The following RXFP2 variants were observed in gnomAD, a reference collection of about 807,000 sequenced individuals.
RXFP2 encodes relaxin receptor 2.
Under a neutral mutation model 88.6 loss-of-function variants are expected in RXFP2, and 68 were observed. The ratio of observed to expected loss-of-function variants is 0.77; its 90% CI spans 0.63 to 0.94. The LOEUF is 0.94. Ranked by LOEUF, RXFP2 falls within the 40% of genes least tolerant of loss-of-function variation. RXFP2 has a pLI of 0.00. For synonymous variants in RXFP2, 329 were observed against 306.8 expected, an observed-to-expected ratio of 1.07 and a Z score of -0.76; for missense variants, 791 against 893.9, an observed-to-expected ratio of 0.88 and a Z score of 1.47.
At chr13:31,755,251 A>C (rs189668230) in intron 1 of RXFP2, among the ~76,000 whole-genome samples, 94 of 152,308 alleles carry the variant, frequency 6.2e-4, no homozygotes, top group African/African-American at 2.1e-3. Context: ...CCATTAGGGG[A>C]TCATGAAATC....
intron 5 of RXFP2, among the ~76,000 whole-genome samples, chr13:31,772,000 A>G (rs1872752522): frequency 2.2e-5 from 2 of 92,840 alleles, no homozygotes; most frequent in Admixed American, 1.9e-4. Context: ...CTTAATTGCC[A>G]GATGAATGTG....
intron 2 of RXFP2, among the ~76,000 whole-genome samples, chr13:31,758,922 C>A (rs1474202891): frequency 6.6e-6 from 1 of 152,058 alleles, no homozygotes; most frequent in Non-Finnish European, 1.5e-5. Context: ...GTGACAGGTG[C>A]CTGTAATCCC....
At chr13:31,750,078 C>G (rs899844439) in intron 1 of RXFP2, among the ~76,000 whole-genome samples, 2 of 152,120 alleles carry the variant, frequency 1.3e-5, no homozygotes, top group South Asian at 2.1e-4. Context: ...ATCTCTGGAG[C>G]CTCTCATAAA....
intron 3 of RXFP2, 120 bp from the exon 4 acceptor site, chr13:31,764,917 C>T: frequency 3.0e-6 from 2 of 669,502 alleles, no homozygotes; most frequent in East Asian, 2.8e-5. Context: ...TGAATGAGTT[C>T]ATTTAACAGA....
In RXFP2 at chr13:31,789,158, A is replaced by C. The variant is rs1873684155; in HGVS notation, c.1110A>C (p.Thr370=). The part of the protein sequence containing the change: ...LERIEIPNIN[T]RMFQPMKNLS... ...GGATAGAGATTCCAAATATAAACAC[A>C]CGAATGTTTCAACCCATGAAGAATC... The change falls in exon 14 of 18, where the codon ACA becomes ACC. Residue 370 remains threonine (T), a synonymous_variant. Transcript: ENST00000298386. 6.2e-7 allele frequency: 1 copy of C among 1,609,044 alleles called. No individual in the cohort carries two copies. Among genetic ancestry groups the C allele is most frequent in the East Asian group, 2.2e-5 (1 of 44,818 alleles).
At chr13:31,775,038 A>G (rs777890492) in intron 6 of RXFP2, among the ~76,000 whole-genome samples, 3 of 152,204 alleles carry the variant, frequency 2.0e-5, no homozygotes, top group East Asian at 1.9e-4. Flanking sequence ...ATTGCCCCAC[A>G]TACTTAGTTA....
intron 13 of RXFP2, among the ~76,000 whole-genome samples, chr13:31,788,729 C>CA (rs890782236): frequency 6.6e-6 from 1 of 152,154 alleles, no homozygotes; most frequent in African/African-American, 2.4e-5. Context: ...TCCAGATTCT[C>CA]ACAAAACTCA....
intron 12 of RXFP2, 40 bp downstream of exon 12, chr13:31,786,494 A>T (rs1873548803): frequency 1.3e-6 from 2 of 1,545,700 alleles, no homozygotes; most frequent in East Asian, 4.5e-5. Flanking sequence ...TTAAAGGGCA[A>T]TATTTTGAGC....
Position 31,739,698 on chromosome 13 carries a change from A to G in RXFP2, c.86A>G (p.Asn29Ser). The change falls in exon 1 of 18, where the codon AAT becomes AGT. Residue 29 changes from asparagine (N) to serine (S), a missense_variant. Transcript: ENST00000298386. ...CTACTTCATTTCATCGTTCTGATCA[A>G]TGTCAAAGGTAAGGTTGCTACTTTC... ...FFLLHFIVLINVKDFALTQGS... is the reference protein window; with the variant it reads ...FFLLHFIVLISVKDFALTQGS... The G allele has an allele frequency of 6.3e-7, 1 of 1,596,094 alleles. No homozygotes were observed.
intron 16 of RXFP2, among the ~76,000 whole-genome samples, chr13:31,793,474 T>C (rs978438235): frequency 2.0e-5 from 3 of 151,164 alleles, no homozygotes; most frequent in African/African-American, 7.3e-5. Context: ...AAGTAAATAA[T>C]AATAAAACTC....
intron 5 of RXFP2, among the ~76,000 whole-genome samples, chr13:31,767,383 T>C (rs748998514): frequency 2.0e-5 from 3 of 152,208 alleles, no homozygotes; most frequent in Non-Finnish European, 4.4e-5. Flanking sequence ...TGGCTCTGCA[T>C]GTCCAGATTC....
intron 11 of RXFP2, among the ~76,000 whole-genome samples, chr13:31,786,180 C>G (rs963471329): frequency 6.6e-6 from 1 of 152,116 alleles, no homozygotes; most frequent in Non-Finnish European, 1.5e-5. Flanking sequence ...AGGAACTGGA[C>G]GAGCAAAGTG....
chr13:31,782,607 C>A, intron 10 of RXFP2, 69 bp from the exon 11 acceptor site: 5 of 1,135,956 alleles, frequency 4.4e-6, no homozygotes, highest in Non-Finnish European at 6.7e-6. Flanking sequence ...GATCAGTGGC[C>A]TCTCCCAATG....
chr13:31,787,791 C>T (rs889616884), intron 13 of RXFP2, among the ~76,000 whole-genome samples: 5 of 152,304 alleles, frequency 3.3e-5, no homozygotes, highest in African/African-American at 4.8e-5. Flanking sequence ...AGGCGAACGC[C>T]GCCATGCCAG....
intron 14 of RXFP2, among the ~76,000 whole-genome samples, chr13:31,790,167 C>T (rs180791716): frequency 8.0e-4 from 122 of 152,196 alleles, no homozygotes; most frequent in Middle Eastern, 6.8e-3. Context: ...AACCTACTTA[C>T]TCTTCTTTCA....
At chr13:31,776,097 TTTTC>T (rs1383809229) in intron 7 of RXFP2, among the ~76,000 whole-genome samples, 1 of 112,824 alleles carries the variant, frequency 8.9e-6, no homozygotes, top group Non-Finnish European at 1.8e-5. Flanking sequence ...TCTTTCTTTC[TTTTC>T]TTTTCTTTCT....
In RXFP2 at chr13:31,791,977, G is replaced by A. The variant is rs1478534730; in HGVS notation, c.1317G>A (p.Met439Ile). 6.2e-7 allele frequency: 1 copy of A among 1,614,092 alleles called. No homozygotes were observed. The highest frequency in any genetic ancestry group is 1.3e-5 in the African/African-American group (1 of 75,044). The change falls in exon 15 of 18, where the codon ATG becomes ATA. Residue 439 changes from methionine (M) to isoleucine (I), a missense_variant. Physicochemically the swap from Met to Ile is conservative, Grantham distance 10. Coordinates refer to ENST00000298386, the MANE Select transcript of RXFP2 (RefSeq NM_130806.5). ...TCFGNLFVIG[M>I]RSFIKAENTT... ...TTGGAAATCTTTTTGTCATTGGCAT[G>A]AGATCTTTCATTAAAGCTGAAAATA...
At chr13:31,768,272 C>A (rs1375357979) in intron 5 of RXFP2, among the ~76,000 whole-genome samples, 1 of 152,170 alleles carries the variant, frequency 6.6e-6, no homozygotes, top group East Asian at 1.9e-4. Flanking sequence ...TTAATTTTCC[C>A]AGAGACTAAT....
intron 5 of RXFP2, 48 bp downstream of exon 5, chr13:31,766,075 G>A: frequency 2.2e-6 from 2 of 907,480 alleles, no homozygotes; most frequent in South Asian, 2.8e-5. Flanking sequence ...TCCTCGTGGT[G>A]GTGTAAGATG....
Sources: gnomAD v4.1 joint callset for allele counts (sites outside exome capture counted in the v4.1 genomes callset) on GRCh38, gnomAD v4.1.1 for gene constraint, MANE v1.5 for transcripts, NCBI Gene and HGNC (gene_info 2026-07-23, HGNC 2026-07-21) for gene names.